Variants in MRPS25 observed in about 807,000 individuals in gnomAD.
The protein encoded by MRPS25 is small ribosomal subunit protein mS25.
A neutral mutation model predicts 17.3 loss-of-function variants in MRPS25; 15 were observed. The ratio of observed to expected loss-of-function variants is 0.87; its 90% CI spans 0.58 to 1.34. The LOEUF is 1.34. Ranked by LOEUF, MRPS25 falls within the 40% of genes most tolerant of loss-of-function variation. The probability of loss-of-function intolerance (pLI) is 0.00; values close to 1 mark genes in which losing one functional copy is unlikely to be tolerated. For synonymous variants in MRPS25, 94 were observed against 83.3 expected (o/e 1.13, Z -0.70); for missense variants, 225 against 218.6 (o/e 1.03, Z -0.19).
chr3:15,064,841 T>C (rs2042831806), intron 1 of MRPS25, among the ~76,000 whole-genome samples: 1 of 152,128 alleles, frequency 6.6e-6, no homozygotes, highest in Non-Finnish European at 1.5e-5. Context: ...GGGGTTCTTG[T>C]CCTCCGCCCC....
intron 2 of MRPS25, among the ~76,000 whole-genome samples, chr3:15,055,996 G>A (rs763010603): frequency 6.6e-6 from 1 of 151,788 alleles, no homozygotes; most frequent in South Asian, 2.1e-4. Flanking sequence ...GGCGGATCAC[G>A]AGGTCAGGAG....
chr3:15,053,377 C>A lies in MRPS25; in HGVS notation c.329+3G>T, dbSNP rs779485844. 1.9e-6 allele frequency: 3 copies of A among 1,614,174 alleles called. No individual in the cohort carries two copies. In the South Asian group the frequency reaches 3.3e-5, roughly 18 times the overall value. On this transcript the variant is annotated splice_donor_region_variant and intron_variant, in intron 3 of 3. Transcript: ENST00000253686. Reference sequence around the variant, plus strand: ...TCCTTCCAGGTCAAACCAAACAACTCACTCATTCTTCCCCAAGATTTTTCT... The same window carrying A: ...TCCTTCCAGGTCAAACCAAACAACTAACTCATTCTTCCCCAAGATTTTTCT...
In MRPS25 at chr3:15,053,196, G is replaced by A. The variant is rs1209584061; in HGVS notation, c.329+184C>T. 88 of 1,338,996 alleles carry A rather than the reference G, an allele frequency of 6.6e-5. No homozygotes were observed. In the East Asian group the frequency reaches 9.7e-4, roughly 15 times the overall value. The allele number at this position is 1,338,996 out of a possible 1,614,324, so 82.9% of individuals were successfully genotyped here. A position where few individuals can be genotyped will look rare whatever the true frequency, so the allele number is the denominator to read the frequency against. ...AGCCAAGGGAGATAAAGCTTACAGA[G>A]GTTTAATGATTTGGTAAAGAGCAAC... On this transcript the variant is annotated intron_variant, in intron 3 of 3. Transcript: ENST00000253686.
rs922696259 is a variant in MRPS25 at position 15,052,386 on chromosome 3, T to C, written c.*55A>G. 85 of 1,564,116 alleles carry C rather than the reference T, an allele frequency of 5.4e-5. No homozygotes were observed. The Admixed American group carries it at 1.1e-3, about 20-fold the overall frequency. Reference sequence around the variant, plus strand: ...CTTCCCTGGGCCAAAGTAATCCCATTCCAATCTCCCCACTGGTCAGACACC... The same window carrying C: ...CTTCCCTGGGCCAAAGTAATCCCATCCCAATCTCCCCACTGGTCAGACACC... On this transcript the variant is annotated 3_prime_UTR_variant, in exon 4 of 4. Transcript: ENST00000253686.
rs1457874257 is a variant in MRPS25, at chr3:15,051,165, C to T, written c.*1276G>A. 1.3e-5 allele frequency: 13 copies of T among 985,178 alleles called. No individual in the cohort carries two copies. The highest frequency in any genetic ancestry group is 1.6e-5 in the Non-Finnish European group (13 of 829,860). 61.0% of individuals were successfully genotyped at this position (985,178 alleles called of 1,614,324 possible). On this transcript the variant is annotated 3_prime_UTR_variant, in exon 4 of 4. Coordinates refer to ENST00000253686, the MANE Select transcript of MRPS25 (RefSeq NM_022497.5). ...GGGGTCCGTGGTCCAACTGGTCCTTCACTTTATAATTAAACTTATTTAAAA... is the reference window on the plus strand; with the variant it reads ...GGGGTCCGTGGTCCAACTGGTCCTTTACTTTATAATTAAACTTATTTAAAA...
chr3:15,042,957 C>G (rs771068591), downstream of MRPS25: 1 of 1,614,210 alleles, frequency 6.2e-7, no homozygotes, highest in Non-Finnish European at 8.5e-7. Context: ...CCTACATCCT[C>G]AAGATGGAGA....
chr3:15,058,549 G>C (rs781431576), intron 2 of MRPS25, among the ~76,000 whole-genome samples: 1 of 152,098 alleles, frequency 6.6e-6, no homozygotes, highest in Non-Finnish European at 1.5e-5. Context: ...TAATCTCCAC[G>C]AGGGCAGCAG....
At position 15,050,258 on chromosome 3, in the gene MRPS25, C is replaced by T. The variant is rs1051030665; in HGVS notation, c.*2183G>A. 11 of 1,134,586 alleles carry T rather than the reference C, an allele frequency of 9.7e-6. No homozygotes were observed. Among genetic ancestry groups the T allele is most frequent in the African/African-American group, 3.4e-5 (2 of 58,790 alleles). 70.3% of individuals were successfully genotyped at this position (1,134,586 alleles called of 1,614,324 possible). ...CCACAGGACTGCTGCTGTCTCCACACGTCCTTTCAGGGTCTGGGCTGTCCA... is the reference window on the plus strand; with the variant it reads ...CCACAGGACTGCTGCTGTCTCCACATGTCCTTTCAGGGTCTGGGCTGTCCA... On this transcript the variant is annotated 3_prime_UTR_variant, in exon 4 of 4. Transcript: ENST00000253686.
At chr3:15,044,290 T>C (rs1312878706), downstream of MRPS25, 4 of 152,202 alleles carry the variant, frequency 2.6e-5, no homozygotes, top group Non-Finnish European at 4.4e-5. Flanking sequence ...CTGTTAATGT[T>C]ACCAGCACAC....
Position 15,065,302 on chromosome 3 carries a change from G to C in MRPS25, c.-108C>G. The C allele has an allele frequency of 1.4e-6, 2 of 1,409,226 alleles. No individual in the cohort carries two copies. The highest frequency in any genetic ancestry group is 1.9e-6 in the Non-Finnish European group (2 of 1,078,258). 87.3% of individuals were successfully genotyped at this position (1,409,226 alleles called of 1,614,324 possible). On this transcript the variant is annotated 5_prime_UTR_variant, in exon 1 of 4. Transcript: ENST00000253686. The stretch of plus-strand genomic sequence containing the variant: ...TCACGCGGCTTCTCCCCAGAGCCAG[G>C]TTCCACTTCCCGCGCAGACGCACAG...
At chr3:15,043,073 G>A (rs1429600608), downstream of MRPS25, 3 of 1,474,520 alleles carry the variant, frequency 2.0e-6, no homozygotes, top group Non-Finnish European at 2.7e-6. Flanking sequence ...ACAAAGAAAA[G>A]TAGTGGTATT....
In MRPS25 at chr3:15,053,409, C is replaced by T. The variant is rs769740875; in HGVS notation, c.300G>A (p.Glu100=). The change falls in exon 3 of 4, where the codon GAG becomes GAA. Residue 100 remains glutamate, a synonymous_variant. Coordinates refer to ENST00000253686, the MANE Select transcript of MRPS25 (RefSeq NM_022497.5). ...TCTTCCCCAAGATTTTTCTGATGTG[C>T]TCCATGATCTCCTTATTGCTCTTGG... ...VETKSNKEIM[E]HIRKILGKNE... 1 of 1,614,032 alleles carries T rather than the reference C, an allele frequency of 6.2e-7. No individual in the cohort carries two copies. Among genetic ancestry groups the T allele is most frequent in the South Asian group, 1.1e-5 (1 of 91,082 alleles).
intron 2 of MRPS25, among the ~76,000 whole-genome samples, chr3:15,055,989 G>T (rs189091615): frequency 2.0e-5 from 3 of 151,642 alleles, no homozygotes; most frequent in Non-Finnish European, 4.4e-5. Flanking sequence ...CGAGGCGGGC[G>T]GATCACGAGG....
At chr3:15,056,547 G>T (rs1436333837) in intron 2 of MRPS25, among the ~76,000 whole-genome samples, 1 of 152,218 alleles carries the variant, frequency 6.6e-6, no homozygotes, top group African/African-American at 2.4e-5. Context: ...CCAGGCTGTG[G>T]TCAGAGGGAG....
chr3:15,042,520 A>G (rs2042304891), downstream of MRPS25: 1 of 243,030 alleles, frequency 4.1e-6, no homozygotes, highest in African/African-American at 2.2e-5. Context: ...GCAGTTCATC[A>G]TATGAAGACT....
chr3:15,065,088 G>A lies in MRPS25; in HGVS notation c.107C>T (p.Thr36Met), dbSNP rs750388546. 4 of 1,605,296 alleles carry A rather than the reference G, an allele frequency of 2.5e-6. No homozygotes were observed. The highest frequency in any genetic ancestry group is 2.2e-5 in the South Asian group (2 of 89,482). ...SVKVMTVNYNTHGELGEGARK... is the reference protein window; with the variant it reads ...SVKVMTVNYNMHGELGEGARK... ...GGCGCCCTCGCCCAGCTCCCCATGCGTGTTGTAATTCACTGTCATGACCTT... is the reference window on the plus strand; with the variant it reads ...GGCGCCCTCGCCCAGCTCCCCATGCATGTTGTAATTCACTGTCATGACCTT... Residue 36 changes from threonine to methionine, a missense_variant, in exon 1 of 4, where the codon ACG becomes ATG. Thr to Met is a moderately conservative substitution (Grantham distance 81). Coordinates refer to ENST00000253686, the MANE Select transcript of MRPS25 (RefSeq NM_022497.5).
In MRPS25 at chr3:15,053,452, A is replaced by G; in HGVS notation, c.257T>C (p.Val86Ala). 1 of 1,614,160 alleles carries G rather than the reference A, an allele frequency of 6.2e-7. No homozygotes were observed. Among genetic ancestry groups the G allele is most frequent in the Non-Finnish European group, 8.5e-7 (1 of 1,180,032 alleles). The change falls in exon 3 of 4, where the codon GTC becomes GCC. Residue 86 changes from valine to alanine, a missense_variant. Coordinates refer to ENST00000253686, the MANE Select transcript of MRPS25 (RefSeq NM_022497.5). ...LRFYLDSGEQ[V>A]LVDVETKSNK... Reference sequence around the variant, plus strand: ...GCTCTTGGTCTCCACATCCACCAGGACCTGCTCCCCAGAATCTGGAAACGG... The same window carrying G: ...GCTCTTGGTCTCCACATCCACCAGGGCCTGCTCCCCAGAATCTGGAAACGG...
intron 1 of MRPS25, among the ~76,000 whole-genome samples, chr3:15,060,808 G>A (rs2042742830): frequency 6.6e-6 from 1 of 152,148 alleles, no homozygotes; most frequent in Non-Finnish European, 1.5e-5. Flanking sequence ...GTGAATCCAG[G>A]AGGCAGAGCT....
intron 1 of MRPS25, among the ~76,000 whole-genome samples, chr3:15,062,422 C>A (rs1199506773): frequency 1.6e-5 from 1 of 64,290 alleles, no homozygotes; most frequent in East Asian, 4.9e-4. Context: ...GCCCGGCCAG[C>A]CGCCCCATCC....
Sources: gnomAD v4.1 joint callset for allele counts (sites outside exome capture counted in the v4.1 genomes callset) on GRCh38, gnomAD v4.1.1 for gene constraint, MANE v1.5 for transcripts, NCBI Gene and HGNC (gene_info 2026-07-23, HGNC 2026-07-21) for gene names.